NAA60: variants seen among roughly 807,000 people sequenced by gnomAD.
The protein encoded by NAA60 is N-alpha-acetyltransferase 60, NatF catalytic subunit, also known as N-alpha-acetyltransferase 60.
In NAA60, 8 loss-of-function variants were observed where a neutral mutation model predicts 26.1. The observed-to-expected ratio is 0.31, with a 90% CI of 0.18 to 0.55. The LOEUF is 0.55. Ranked by LOEUF, NAA60 falls within the 20% of genes least tolerant of loss-of-function variation. The pLI is 0.93. For missense variants in NAA60, 290 were observed against 311.3 expected (o/e 0.93, Z 0.51); for synonymous variants, 131 against 122.5 (o/e 1.07, Z -0.46).
At chr16:3,455,386 G>GTTTTTT (rs35501650) in intron 2 of NAA60, among the ~76,000 whole-genome samples, 20 of 101,964 alleles carry the variant, frequency 2.0e-4, no homozygotes, top group East Asian at 1.8e-3. Flanking sequence ...AGAGTTTTTA[G>GTTTTTT]TTTTTTTTTT....
chr16:3,465,460 G>A (rs899019490), intron 2 of NAA60, among the ~76,000 whole-genome samples: 24 of 152,054 alleles, frequency 1.6e-4, no homozygotes, highest in African/African-American at 5.6e-4. Flanking sequence ...CACTGACTGA[G>A]TGGGGCCACA....
intron 2 of NAA60, among the ~76,000 whole-genome samples, chr16:3,471,042 G>T (rs2036105418): frequency 1.3e-5 from 2 of 152,188 alleles, no homozygotes; most frequent in Admixed American, 1.3e-4. Context: ...AAAATCCGCA[G>T]ATCGTTGTGT....
chr16:3,478,160 C>A (rs760485122), intron 3 of NAA60, among the ~76,000 whole-genome samples: 1 of 152,094 alleles, frequency 6.6e-6, no homozygotes, highest in Admixed American at 6.5e-5. Flanking sequence ...CACTTGAACC[C>A]GCGAGTCAGA....
At chr16:3,467,056 C>G (rs1209668723) in intron 2 of NAA60, among the ~76,000 whole-genome samples, 2 of 152,046 alleles carry the variant, frequency 1.3e-5, no homozygotes, top group Non-Finnish European at 2.9e-5. Flanking sequence ...TGCGGAAAGC[C>G]TGACATTGAA....
chr16:3,478,177 A>G (rs2036604283), intron 3 of NAA60, among the ~76,000 whole-genome samples: 1 of 152,210 alleles, frequency 6.6e-6, no homozygotes, highest in Non-Finnish European at 1.5e-5. Context: ...CAGAGGTTGC[A>G]GTGAGCTGAG....
chr16:3,476,383 G>A, intron 3 of NAA60, 46 bp downstream of exon 3: 1 of 1,543,238 alleles, frequency 6.5e-7, no homozygotes, highest in South Asian at 1.1e-5. Flanking sequence ...GTGAGCCTCA[G>A]GTGCAGAAGC....
rs1004794260 is a variant in NAA60 at position 3,481,126 on chromosome 16, C to CT, written c.241-1366dup. On this transcript the variant is annotated intron_variant, in intron 4 of 7. Coordinates refer to ENST00000407558, the MANE Select transcript of NAA60 (RefSeq NM_001083601.3). ...AAGTGTCAACATTCTTTTCTCTCCT[C>CT]TTTTTTTTTTATTGAAACGGAGTCT... is the stretch of plus-strand genomic sequence containing the variant. Among the ~76,000 whole-genome samples the CT allele has an allele frequency of 1.1e-3, 165 of 147,520 alleles. 3 individuals are homozygous for CT. The highest frequency in any genetic ancestry group is 4.3e-3 in the Admixed American group (63 of 14,722).
In NAA60 at chr16:3,485,944, A is replaced by G. The variant is rs1392299438; in HGVS notation, c.*684A>G. The stretch of plus-strand genomic sequence containing the variant: ...ACTCCTCAGCACCTTCCGTGCAGTT[A>G]CCAGTGCCCTGGGAGGTCACACTGC... On this transcript the variant is annotated 3_prime_UTR_variant, in exon 8 of 8. Transcript: ENST00000407558. 1 of 311,920 alleles carries G rather than the reference A, an allele frequency of 3.2e-6. No homozygotes were observed. The highest frequency in any genetic ancestry group is 4.4e-5 in the Admixed American group (1 of 22,748). The allele number at this position is 311,920 out of a possible 1,614,324, so 19.3% of individuals were successfully genotyped here.
chr16:3,460,789 C>T (rs1258172537), intron 2 of NAA60, among the ~76,000 whole-genome samples: 2 of 152,190 alleles, frequency 1.3e-5, no homozygotes, highest in African/African-American at 4.8e-5. Context: ...TGCTGATCTG[C>T]AAAAAGATGC....
In NAA60 at chr16:3,479,340, G is replaced by T; in HGVS notation, c.111-131G>T. 9.4e-6 allele frequency: 8 copies of T among 851,446 alleles called. No homozygotes were observed. The African/African-American group carries it at 1.4e-4, about 14-fold the overall frequency. The allele number at this position is 851,446 out of a possible 1,614,324, so 52.7% of individuals were successfully genotyped here. A position where few individuals can be genotyped will look rare whatever the true frequency, so the allele number is the denominator to read the frequency against. On this transcript the variant is annotated intron_variant, in intron 3 of 7. Transcript: ENST00000407558. ...AGTTAGGTAGAGACTTAAGTGATGGGCACACTCCTCGGCAGCCTTAGAGCA... is the reference window on the plus strand; with the variant it reads ...AGTTAGGTAGAGACTTAAGTGATGGTCACACTCCTCGGCAGCCTTAGAGCA...
intron 2 of NAA60, among the ~76,000 whole-genome samples, chr16:3,451,241 T>G (rs1042438138): frequency 1.3e-4 from 20 of 152,342 alleles, no homozygotes; most frequent in African/African-American, 4.8e-4. Context: ...CCATTTCACT[T>G]GCACGCCTTT....
intron 2 of NAA60, among the ~76,000 whole-genome samples, chr16:3,454,880 A>T (rs1221778775): frequency 6.6e-6 from 1 of 152,154 alleles, no homozygotes; most frequent in Non-Finnish European, 1.5e-5. Context: ...CACAAAGAGA[A>T]AGGGTGGAAG....
Position 3,483,479 on chromosome 16 carries a change from AAC to A in NAA60, c.456_457del (p.Asn152LysfsTer115). On this transcript the variant is annotated frameshift_variant, in exon 6 of 8. Coordinates refer to ENST00000407558, the MANE Select transcript of NAA60 (RefSeq NM_001083601.3). LOFTEE classifies it high-confidence loss of function. Reference protein sequence around the residue: ...TNNTAINFYENRDFKQHHYLP... With the variant: ...TNNTAINFYEXRDFKQHHYLP... The stretch of plus-strand genomic sequence containing the variant: ...CAACACAGCAATAAACTTCTATGAA[AAC>A]AGAGACTTCAAGCAGCACCACTATC... 6.2e-7 allele frequency: 1 copy of A among 1,613,998 alleles called. No individual in the cohort carries two copies. Among genetic ancestry groups the A allele is most frequent in the Non-Finnish European group, 8.5e-7 (1 of 1,179,866 alleles).
In NAA60 at chr16:3,479,476, C is replaced by G; in HGVS notation, c.116C>G (p.Pro39Arg). Residue 39 changes from proline (P) to arginine (R), a missense_variant, in exon 4 of 8, where the codon CCA (proline) becomes CGA (arginine). Transcript: ENST00000407558. ...LCGDWFPIEY[P>R]DSWYRDITSN... The stretch of plus-strand genomic sequence containing the variant: ...GAGTATGTTCTGTTTCTCAGGTACC[C>G]AGACTCATGGTATCGTGATATCACA... 1 of 1,613,906 alleles carries G rather than the reference C, an allele frequency of 6.2e-7. No homozygotes were observed. The highest frequency in any genetic ancestry group is 8.5e-7 in the Non-Finnish European group (1 of 1,179,818).
chr16:3,447,488 C>T, intron 1 of NAA60: 1 of 985,400 alleles, frequency 1.0e-6, no homozygotes, highest in Non-Finnish European at 1.2e-6. Context: ...CCAGATGGTA[C>T]TGCCTTTTAA....
chr16:3,463,571 A>AAG (rs1439909261), intron 2 of NAA60, among the ~76,000 whole-genome samples: 10 of 150,960 alleles, frequency 6.6e-5, no homozygotes, highest in Admixed American at 6.6e-4. Context: ...AAAAAAAAAA[A>AAG]AATGCAAGCT....
chr16:3,466,705 G>A (rs1048394788), intron 2 of NAA60, among the ~76,000 whole-genome samples: 3 of 152,206 alleles, frequency 2.0e-5, no homozygotes, highest in African/African-American at 7.2e-5. Context: ...GAAGCCTGGT[G>A]TGCTAACGGG....
intron 2 of NAA60, chr16:3,462,685 C>T (rs558645299): frequency 6.6e-6 from 1 of 152,300 alleles, no homozygotes; most frequent in East Asian, 1.9e-4. Flanking sequence ...CCTTACCAGG[C>T]AAGCCCTCTT....
intron 2 of NAA60, among the ~76,000 whole-genome samples, chr16:3,469,422 C>A (rs370650877): frequency 2.1e-5 from 3 of 141,172 alleles, no homozygotes; most frequent in Non-Finnish European, 1.6e-5. Flanking sequence ...GCTGCTCCCC[C>A]CAGCACTGCC....
Sources: allele counts gnomAD v4.1 joint callset (sites outside exome capture counted in the v4.1 genomes callset), GRCh38; gene constraint gnomAD v4.1.1; transcripts MANE v1.5; gene names NCBI Gene and HGNC (gene_info 2026-07-23, HGNC 2026-07-21).